FAM200B: variants seen among roughly 807,000 people sequenced by gnomAD.
FAM200B encodes protein FAM200B.
A neutral mutation model predicts 33.1 loss-of-function variants in FAM200B; 32 were observed. The ratio of observed to expected loss-of-function variants is 0.97; its 90% confidence interval spans 0.73 to 1.30. The LOEUF (loss-of-function observed/expected upper bound fraction) is 1.30. Among genes scored for constraint, FAM200B ranks in the 50% most tolerant of loss-of-function variants. The pLI is 0.00. For synonymous variants in FAM200B, 240 were observed against 264.8 expected (o/e 0.91, Z 0.91); for missense variants, 741 against 754.0 (o/e 0.98, Z 0.20).
At chr4:15,638,140 A>G in the FAM200B span, among the ~76,000 whole-genome samples, 4 of 152,208 alleles carry the variant, frequency 2.6e-5, no homozygotes, top group African/African-American at 9.7e-5. Flanking sequence ...AAGCTCAGGA[A>G]GCAGGATGAT....
chr4:15,655,173 GC>G, the FAM200B span: 1 of 1,362,944 alleles, frequency 7.3e-7, no homozygotes, highest in East Asian at 3.4e-5. Flanking sequence ...CGCCCGCACC[GC>G]CCACAGCGGG....
Position 15,688,961 on chromosome 4 carries a change from A to G in FAM200B, c.*10A>G. 2 of 1,410,804 alleles carry G rather than the reference A, an allele frequency of 1.4e-6. No homozygotes were observed. The highest frequency in any genetic ancestry group is 1.9e-6 in the Non-Finnish European group (2 of 1,075,850). The allele number at this position is 1,410,804 out of a possible 1,614,324, so 87.4% of individuals were successfully genotyped here. A position where few individuals can be genotyped will look rare whatever the true frequency, so the allele number is the denominator to read the frequency against. The stretch of plus-strand genomic sequence containing the variant: ...AGCACACCCATCATAGTAAATAAAA[A>G]TCTTACCTAGCTTTTGTCTTTGTAT... On this transcript the variant is annotated 3_prime_UTR_variant, in exon 2 of 2. Transcript: ENST00000422728.
the FAM200B span, among the ~76,000 whole-genome samples, chr4:15,648,940 A>G: frequency 6.6e-6 from 1 of 152,288 alleles, no homozygotes; most frequent in Middle Eastern, 3.4e-3. Flanking sequence ...TATACAATGT[A>G]CATGTATATC....
the FAM200B span, among the ~76,000 whole-genome samples, chr4:15,639,387 C>G: frequency 1.3e-5 from 2 of 152,160 alleles, no homozygotes; most frequent in Non-Finnish European, 2.9e-5. Flanking sequence ...AGAGTAGTAC[C>G]CAGTGTAGTG....
At chr4:15,654,253 T>TAA in the FAM200B span, among the ~76,000 whole-genome samples, 1 of 152,236 alleles carries the variant, frequency 6.6e-6, no homozygotes, top group Admixed American at 6.5e-5. Flanking sequence ...ATGCTTTATT[T>TAA]AGTTGGATCA....
chr4:15,679,063 ATTTT>A (rs60866290), upstream of FAM200B, among the ~76,000 whole-genome samples: 2 of 118,746 alleles, frequency 1.7e-5, no homozygotes. Flanking sequence ...TAAAATCTCT[ATTTT>A]TTTTTTTTTT....
chr4:15,660,880 C>A, the FAM200B span, among the ~76,000 whole-genome samples: 1 of 152,014 alleles, frequency 6.6e-6, no homozygotes, highest in Admixed American at 6.6e-5. Context: ...AGTTTGAAAC[C>A]AACCTGGGCA....
chr4:15,672,986 C>T, the FAM200B span, among the ~76,000 whole-genome samples: 3 of 152,158 alleles, frequency 2.0e-5, no homozygotes, highest in Non-Finnish European at 4.4e-5. Context: ...CTGTCTTCCA[C>T]TTCCAGATTT....
At chr4:15,650,147 G>C in the FAM200B span, among the ~76,000 whole-genome samples, 1 of 152,160 alleles carries the variant, frequency 6.6e-6, no homozygotes, top group Non-Finnish European at 1.5e-5. Context: ...CTGACACCTA[G>C]TGGATAAAAC....
the FAM200B span, among the ~76,000 whole-genome samples, chr4:15,668,711 C>G: frequency 6.6e-6 from 1 of 151,692 alleles, no homozygotes; most frequent in Admixed American, 6.6e-5. Flanking sequence ...AACTCACTGA[C>G]AAAGGAAAAA....
chr4:15,638,144 GGAT>G, the FAM200B span, among the ~76,000 whole-genome samples: 390 of 152,300 alleles, frequency 2.6e-3, 3 homozygotes, highest in African/African-American at 8.9e-3. Context: ...TCAGGAAGCA[GGAT>G]GATATCGCAA....
At chr4:15,647,345 C>G in the FAM200B span, among the ~76,000 whole-genome samples, 2 of 150,356 alleles carry the variant, frequency 1.3e-5, no homozygotes, top group African/African-American at 2.4e-5. Flanking sequence ...TATAAGTAAT[C>G]TAAAGATGAT....
At chr4:15,667,228 C>G in the FAM200B span, among the ~76,000 whole-genome samples, 4 of 152,188 alleles carry the variant, frequency 2.6e-5, no homozygotes, top group Non-Finnish European at 5.9e-5. Context: ...TGATCACGGG[C>G]AACCTCTTTA....
At chr4:15,658,522 A>T in the FAM200B span, among the ~76,000 whole-genome samples, 1 of 152,248 alleles carries the variant, frequency 6.6e-6, no homozygotes, top group Non-Finnish European at 1.5e-5. Context: ...TAGGAGTGGG[A>T]CTGGTGGCTT....
the FAM200B span, among the ~76,000 whole-genome samples, chr4:15,667,308 C>T: frequency 6.6e-6 from 1 of 152,162 alleles, no homozygotes; most frequent in Non-Finnish European, 1.5e-5. Flanking sequence ...GATATAGGCA[C>T]TCAACATTTG....
rs1310310302 is a variant in FAM200B at position 15,688,872 on chromosome 4, C to T, written c.1895C>T (p.Ala632Val). 2 of 1,551,070 alleles carry T rather than the reference C, an allele frequency of 1.3e-6. No homozygotes were observed. Among genetic ancestry groups the T allele is most frequent in the East Asian group, 2.4e-5 (1 of 40,896 alleles). Residue 632 changes from alanine to valine, a missense_variant, in exon 2 of 2, where the codon GCA becomes GTA. Ala to Val is a moderately conservative substitution (Grantham distance 64, BLOSUM62 0). Coordinates refer to ENST00000422728, the MANE Select transcript of FAM200B (RefSeq NM_001145191.2). ...KTKERNGLNCAAVMRVALSSC... is the reference protein window; with the variant it reads ...KTKERNGLNCVAVMRVALSSC... ...AAGGAAAGAAATGGGCTGAATTGTGCAGCAGTTATGCGGGTAGCATTATCT... is the reference window on the plus strand; with the variant it reads ...AAGGAAAGAAATGGGCTGAATTGTGTAGCAGTTATGCGGGTAGCATTATCT...
the FAM200B span, among the ~76,000 whole-genome samples, chr4:15,658,300 C>T: frequency 1.3e-5 from 2 of 152,170 alleles, no homozygotes; most frequent in Non-Finnish European, 2.9e-5. Context: ...CCTTACTGTC[C>T]ATCAAAATAG....
At chr4:15,644,469 T>C in the FAM200B span, 6 of 1,575,550 alleles carry the variant, frequency 3.8e-6, no homozygotes, top group Non-Finnish European at 5.2e-6. Context: ...TTTTGACAGT[T>C]GAATATCCAT....
the FAM200B span, among the ~76,000 whole-genome samples, chr4:15,647,242 A>G: frequency 2.0e-4 from 26 of 132,768 alleles, no homozygotes; most frequent in African/African-American, 7.4e-4. Flanking sequence ...AAAAAAAAAA[A>G]AGAAAGAAAA....
Sources: allele counts gnomAD v4.1 joint callset (sites outside exome capture counted in the v4.1 genomes callset), GRCh38; gene constraint gnomAD v4.1.1; transcripts MANE v1.5; gene names NCBI Gene and HGNC (gene_info 2026-07-23, HGNC 2026-07-21).